CCDC171: variants seen among roughly 807,000 people sequenced by gnomAD.
CCDC171 encodes coiled-coil domain-containing protein 171.
CCDC171 carries 177 observed loss-of-function variants against 168.2 expected under a neutral mutation model. That is an observed-to-expected ratio of 1.05 (90% CI 0.93 to 1.19). CCDC171 has a LOEUF of 1.19. Ranked by LOEUF, CCDC171 falls within the 50% of genes most tolerant of loss-of-function variation. The pLI is 0.00. For missense variants in CCDC171, 1,991 were observed against 1,539.0 expected (o/e 1.29, Z -4.91); for synonymous variants, 687 against 540.8 (o/e 1.27, Z -3.75).
In CCDC171 at chr9:15,745,497, A is replaced by AT. The variant is rs776980357; in HGVS notation, c.2555-12dup. 1.7e-5 allele frequency: 25 copies of AT among 1,462,404 alleles called. No homozygotes were observed. Among genetic ancestry groups the AT allele is most frequent in the Middle Eastern group, 3.6e-4 (2 of 5,616 alleles). 90.6% of individuals were successfully genotyped at this position (1,462,404 alleles called of 1,614,324 possible). On this transcript the variant is annotated splice_polypyrimidine_tract_variant and intron_variant, in intron 17 of 25. Coordinates refer to ENST00000380701, the MANE Select transcript of CCDC171 (RefSeq NM_173550.4). Reference sequence around the variant, plus strand: ...AAAGTTTTGTAGAATTTTACAATGGATTTTTTCAATTTTATAGAACATCAA... The same window carrying AT: ...AAAGTTTTGTAGAATTTTACAATGGATTTTTTTCAATTTTATAGAACATCAA...
chr9:16,104,498 C>T, the CCDC171 span, among the ~76,000 whole-genome samples: 3 of 152,112 alleles, frequency 2.0e-5, no homozygotes, highest in African/African-American at 7.2e-5. Flanking sequence ...TCATGAGCAT[C>T]CAGGAACACC....
intron 25 of CCDC171, among the ~76,000 whole-genome samples, chr9:15,958,779 A>G (rs973906422): frequency 2.0e-5 from 3 of 152,106 alleles, no homozygotes; most frequent in African/African-American, 4.8e-5. Flanking sequence ...AATTACGTTA[A>G]TGCAATGGTA....
intron 21 of CCDC171, among the ~76,000 whole-genome samples, chr9:15,829,615 A>T (rs1339676897): frequency 6.6e-6 from 1 of 152,134 alleles, no homozygotes; most frequent in Non-Finnish European, 1.5e-5. Flanking sequence ...GATTCATATT[A>T]TATATGCTAA....
chr9:16,024,430 A>T (rs1006705422), intron 6 of CCDC171, among the ~76,000 whole-genome samples: 3 of 152,164 alleles, frequency 2.0e-5, no homozygotes, highest in African/African-American at 7.2e-5. Context: ...CCACTTCCAG[A>T]AGCTGGGCCC....
intron 7 of CCDC171, among the ~76,000 whole-genome samples, chr9:15,628,619 G>C (rs1293877155): frequency 6.6e-6 from 1 of 152,210 alleles, no homozygotes; most frequent in Non-Finnish European, 1.5e-5. Context: ...CAAACAAAAA[G>C]ACAGCAGTAA....
intron 24 of CCDC171, among the ~76,000 whole-genome samples, chr9:15,892,455 A>G (rs1346773632): frequency 6.6e-6 from 1 of 152,170 alleles, no homozygotes; most frequent in Non-Finnish European, 1.5e-5. Flanking sequence ...ATCTATTGAG[A>G]TAATCATGTG....
intron 6 of CCDC171, among the ~76,000 whole-genome samples, chr9:15,605,656 CA>C: frequency 6.7e-6 from 1 of 149,414 alleles, no homozygotes; most frequent in South Asian, 2.1e-4. Context: ...CACTGCACTC[CA>C]GCCTGGGCGA....
chr9:15,788,582 G>GT (rs1232222052), intron 21 of CCDC171, among the ~76,000 whole-genome samples: 1 of 149,412 alleles, frequency 6.7e-6, no homozygotes, highest in South Asian at 2.1e-4. Flanking sequence ...TAAATCATAT[G>GT]TTTTTGTTTT....
chr9:15,958,209 G>A (rs1000379652), intron 25 of CCDC171, among the ~76,000 whole-genome samples: 1 of 151,990 alleles, frequency 6.6e-6, no homozygotes, highest in Non-Finnish European at 1.5e-5. Context: ...CAGGCCACTG[G>A]TAATACAGAA....
chr9:15,657,827 A>G (rs2132967004), intron 8 of CCDC171, among the ~76,000 whole-genome samples: 1 of 152,310 alleles, frequency 6.6e-6, no homozygotes, highest in Admixed American at 6.5e-5. Flanking sequence ...GAGGCCTCCT[A>G]AGGAAATTAT....
At chr9:15,729,443 T>C (rs959475522) in intron 15 of CCDC171, among the ~76,000 whole-genome samples, 167 bp from the exon 16 acceptor site, 1 of 152,162 alleles carries the variant, frequency 6.6e-6, no homozygotes, top group Admixed American at 6.5e-5. Context: ...CAGTTTACAC[T>C]GCTATTTTCT....
At chr9:15,945,024 C>G (rs187214333) in intron 25 of CCDC171, among the ~76,000 whole-genome samples, 5 of 151,974 alleles carry the variant, frequency 3.3e-5, no homozygotes, top group African/African-American at 1.2e-4. Context: ...AATGCTATCC[C>G]TCTCCCCCGC....
intron 21 of CCDC171, among the ~76,000 whole-genome samples, chr9:15,789,366 T>C (rs756117451): frequency 1.3e-5 from 2 of 152,180 alleles, no homozygotes; most frequent in Non-Finnish European, 2.9e-5. Flanking sequence ...ATATTAATCC[T>C]GGAAATAGGA....
chr9:15,613,487 A>C (rs1271424138), intron 6 of CCDC171, among the ~76,000 whole-genome samples: 2 of 148,158 alleles, frequency 1.3e-5, no homozygotes, highest in African/African-American at 4.9e-5. Context: ...AGCTTAATAA[A>C]AACAAATGGT....
At chr9:16,047,732 C>T (rs891334661) in intron 1 of CCDC171, among the ~76,000 whole-genome samples, 3 of 152,236 alleles carry the variant, frequency 2.0e-5, no homozygotes, top group Non-Finnish European at 4.4e-5. Flanking sequence ...AATCCTCTCT[C>T]AACGTCTGCT....
intron 21 of CCDC171, among the ~76,000 whole-genome samples, chr9:15,833,346 C>T (rs1262481853): frequency 6.6e-6 from 1 of 152,080 alleles, no homozygotes; most frequent in African/African-American, 2.4e-5. Context: ...TTGACCAAAA[C>T]CTTATGTGGT....
intron 10 of CCDC171, among the ~76,000 whole-genome samples, chr9:15,689,180 A>G (rs2050615406): frequency 6.6e-6 from 1 of 152,230 alleles, no homozygotes; most frequent in African/African-American, 2.4e-5. Context: ...TTGTCTGCTG[A>G]AAACTGCAAT....
chr9:15,789,075 C>T (rs1232867581), intron 21 of CCDC171, among the ~76,000 whole-genome samples: 1 of 151,980 alleles, frequency 6.6e-6, no homozygotes, highest in African/African-American at 2.4e-5. Flanking sequence ...AAGTTAACAC[C>T]GTGAGTAGTT....
At chr9:15,671,178 G>A (rs572794100) in intron 9 of CCDC171, among the ~76,000 whole-genome samples, 37 of 152,214 alleles carry the variant, frequency 2.4e-4, no homozygotes, top group Non-Finnish European at 3.8e-4. Flanking sequence ...ATTAGTTCAT[G>A]TGATTAACCA....
Sources: gnomAD v4.1 joint callset for allele counts (sites outside exome capture counted in the v4.1 genomes callset) on GRCh38, gnomAD v4.1.1 for gene constraint, MANE v1.5 for transcripts, NCBI Gene and HGNC (gene_info 2026-07-23, HGNC 2026-07-21) for gene names.